The following CCSER1 variants were observed in gnomAD, a reference collection of about 807,000 sequenced individuals.
CCSER1 encodes serine-rich coiled-coil domain-containing protein 1.
CCSER1 carries 41 observed loss-of-function variants against 82.0 expected under a neutral mutation model. That is an observed-to-expected ratio of 0.50 (90% CI 0.39 to 0.65). CCSER1 has a LOEUF of 0.65. Among genes scored for constraint, CCSER1 ranks in the 30% least tolerant of loss-of-function variants. CCSER1 has a pLI of 0.00. For missense variants in CCSER1, 1,119 were observed against 1,064.2 expected (o/e 1.05, Z -0.72); for synonymous variants, 414 against 383.9 (o/e 1.08, Z -0.92).
At chr4:91,322,083 A>G (rs958260488) in intron 10 of CCSER1, among the ~76,000 whole-genome samples, 1 of 152,142 alleles carries the variant, frequency 6.6e-6, no homozygotes, top group South Asian at 2.1e-4. Flanking sequence ...TTAAAATGCC[A>G]CTGAAAACAG....
chr4:91,329,523 A>AACAGC (rs1746796595), intron 10 of CCSER1, among the ~76,000 whole-genome samples: 1 of 152,186 alleles, frequency 6.6e-6, no homozygotes, highest in Admixed American at 6.6e-5. Flanking sequence ...GGTGGCTTTA[A>AACAGC]ACAGCATGTA....
intron 7 of CCSER1, among the ~76,000 whole-genome samples, chr4:90,728,283 C>A (rs773051851): frequency 1.3e-5 from 2 of 152,130 alleles, no homozygotes; most frequent in African/African-American, 2.4e-5. Flanking sequence ...TTTCCTCATC[C>A]CTAGTTATTT....
intron 10 of CCSER1, among the ~76,000 whole-genome samples, chr4:91,367,438 T>A (rs555059373): frequency 6.7e-6 from 1 of 149,538 alleles, no homozygotes; most frequent in Non-Finnish European, 1.5e-5. Flanking sequence ...TTCTTTCTTT[T>A]TTTTTTTTTT....
intron 9 of CCSER1, among the ~76,000 whole-genome samples, chr4:91,009,421 T>C (rs182789197): frequency 7.6e-4 from 116 of 152,302 alleles, no homozygotes; most frequent in African/African-American, 2.7e-3. Flanking sequence ...ATTGGTTGAG[T>C]GTGAGCTAAG....
chr4:91,303,343 C>A (rs1172009761), intron 10 of CCSER1, among the ~76,000 whole-genome samples: 1 of 151,962 alleles, frequency 6.6e-6, no homozygotes, highest in South Asian at 2.1e-4. Context: ...ATGTCACAGC[C>A]ACAAAGAGCC....
At chr4:91,215,303 A>G (rs1433743874) in intron 10 of CCSER1, among the ~76,000 whole-genome samples, 1 of 152,182 alleles carries the variant, frequency 6.6e-6, no homozygotes, top group East Asian at 1.9e-4. Flanking sequence ...TGGAATTGAT[A>G]AAGTACATAT....
chr4:90,638,859 A>G (rs769494480), intron 6 of CCSER1, among the ~76,000 whole-genome samples: 120 of 152,256 alleles, frequency 7.9e-4, no homozygotes, highest in Non-Finnish European at 1.6e-3. Context: ...TGCAGTGGTA[A>G]AGATTACAGT....
At chr4:90,646,967 C>T (rs1460310328) in intron 6 of CCSER1, among the ~76,000 whole-genome samples, 1 of 152,108 alleles carries the variant, frequency 6.6e-6, no homozygotes, top group Non-Finnish European at 1.5e-5. Flanking sequence ...CCCACCCCAA[C>T]ACACATCCTT....
At chr4:90,357,697 TA>T (rs1744610759) in intron 3 of CCSER1, among the ~76,000 whole-genome samples, 1 of 152,024 alleles carries the variant, frequency 6.6e-6, no homozygotes, top group African/African-American at 2.4e-5. Context: ...GTAACAAACT[TA>T]AAATTTGACA....
chr4:90,698,154 T>A (rs1338971041), intron 6 of CCSER1, among the ~76,000 whole-genome samples: 1 of 152,154 alleles, frequency 6.6e-6, no homozygotes, highest in African/African-American at 2.4e-5. Flanking sequence ...AAAGGGATTC[T>A]TGGAAAACAG....
intron 9 of CCSER1, among the ~76,000 whole-genome samples, chr4:91,037,565 T>TA (rs1741558322): frequency 7.0e-6 from 1 of 142,570 alleles, no homozygotes; most frequent in South Asian, 2.3e-4. Context: ...AGCACCTTGT[T>TA]ATAGATATTT....
At chr4:91,015,707 C>A (rs1490566749) in intron 9 of CCSER1, among the ~76,000 whole-genome samples, 3 of 150,592 alleles carry the variant, frequency 2.0e-5, no homozygotes, top group Non-Finnish European at 4.5e-5. Context: ...TAAAATATTT[C>A]TTTTACTCAG....
intron 9 of CCSER1, among the ~76,000 whole-genome samples, chr4:91,043,441 T>C (rs951348352): frequency 7.2e-5 from 11 of 152,106 alleles, no homozygotes; most frequent in African/African-American, 2.4e-4. Flanking sequence ...AGTGTTCAGA[T>C]TGATAGGCCC....
intron 5 of CCSER1, among the ~76,000 whole-genome samples, chr4:90,622,854 A>G (rs1465223133): frequency 6.6e-6 from 1 of 151,980 alleles, no homozygotes; most frequent in Non-Finnish European, 1.5e-5. Context: ...TGTCTTCCAC[A>G]ATGGTTGAAC....
intron 7 of CCSER1, among the ~76,000 whole-genome samples, chr4:90,746,552 G>A (rs1747509526): frequency 6.6e-6 from 1 of 152,082 alleles, no homozygotes; most frequent in Non-Finnish European, 1.5e-5. Context: ...AATTCATTTT[G>A]AGACTCTAAC....
intron 1 of CCSER1, among the ~76,000 whole-genome samples, chr4:90,190,479 C>T (rs1043056240): frequency 2.0e-5 from 3 of 152,072 alleles, no homozygotes; most frequent in East Asian, 1.9e-4. Context: ...TTTTTACTTA[C>T]ACTAAAGGAC....
intron 5 of CCSER1, among the ~76,000 whole-genome samples, chr4:90,471,439 A>G (rs1764381734): frequency 6.6e-6 from 1 of 152,118 alleles, no homozygotes; most frequent in South Asian, 2.1e-4. Context: ...CTGTCTCTAA[A>G]AGAAATAATA....
chr4:90,621,047 G>C (rs1169543780), intron 5 of CCSER1, among the ~76,000 whole-genome samples: 2 of 152,084 alleles, frequency 1.3e-5, no homozygotes, highest in African/African-American at 2.4e-5. Context: ...TTGAACGTCT[G>C]ACCTCAAGTG....
In CCSER1 at chr4:91,227,554, G is replaced by T. The variant is rs534263477; in HGVS notation, c.2217+141560G>T. Among the ~76,000 whole-genome samples, 618 of 145,766 alleles carry T rather than the reference G, an allele frequency of 4.2e-3. 2 individuals carry two copies. Among genetic ancestry groups the T allele is most frequent in the Non-Finnish European group, 5.0e-3 (327 of 65,696 alleles). ...TTAGATTCATGGGGTACATGTACTG[G>T]TTTTTTTTTTTACCCAAGTATATTG... On this transcript the variant is annotated intron_variant, in intron 10 of 10. Transcript: ENST00000509176.
Sources: gnomAD v4.1 joint callset for allele counts (sites outside exome capture counted in the v4.1 genomes callset) on GRCh38, gnomAD v4.1.1 for gene constraint, MANE v1.5 for transcripts, NCBI Gene and HGNC (gene_info 2026-07-23, HGNC 2026-07-21) for gene names.